Variants in DSG1 observed in about 807,000 individuals in gnomAD.
The protein encoded by DSG1 is desmoglein 1.
Under a neutral mutation model 97.5 loss-of-function variants are expected in DSG1, and 39 were observed. The ratio of observed to expected loss-of-function variants is 0.40; its 90% confidence interval spans 0.31 to 0.52. The LOEUF is 0.52. Ranked by LOEUF, DSG1 falls within the 20% of genes least tolerant of loss-of-function variation. The pLI, the probability that DSG1 is intolerant of heterozygous loss-of-function variation, is 0.53. For missense variants in DSG1, 1,311 were observed against 1,295.4 expected (o/e 1.01, Z -0.18); for synonymous variants, 475 against 443.4 (o/e 1.07, Z -0.90).
In DSG1 at chr18:31,355,166, C is replaced by G. The variant is rs763743708; in HGVS notation, c.2970C>G (p.Ala990=). ...CCAGCATGGGTGCTGGGAGCGGTGCCCTGAGTGGAGCTGGCATAAGTGGTG... is the reference window on the plus strand; with the variant it reads ...CCAGCATGGGTGCTGGGAGCGGTGCGCTGAGTGGAGCTGGCATAAGTGGTG... The part of the protein sequence containing the change: ...VGTSMGAGSG[A]LSGAGISGGG... Residue 990 remains alanine, a synonymous_variant, in exon 15 of 15, where the codon GCC becomes GCG. Transcript: ENST00000257192. The G allele has an allele frequency of 6.2e-7, 1 of 1,606,518 alleles. No homozygotes were observed. Among genetic ancestry groups the G allele is most frequent in the Middle Eastern group, 1.7e-4 (1 of 6,028 alleles).
At chr18:31,338,152 C>G (rs1180652168) in intron 9 of DSG1, among the ~76,000 whole-genome samples, 163 bp from the exon 10 acceptor site, 1 of 151,738 alleles carries the variant, frequency 6.6e-6, no homozygotes, top group African/African-American at 2.4e-5. Context: ...CCCTGAGTGG[C>G]TCCATATTGC....
intron 1 of DSG1, among the ~76,000 whole-genome samples, chr18:31,325,504 A>G (rs2071680261): frequency 6.6e-6 from 1 of 152,194 alleles, no homozygotes; most frequent in African/African-American, 2.4e-5. Flanking sequence ...AGGAGCATGC[A>G]TTTACATGAA....
chr18:31,350,827 T>A (rs994394976), intron 14 of DSG1, among the ~76,000 whole-genome samples: 7 of 151,420 alleles, frequency 4.6e-5, no homozygotes, highest in Non-Finnish European at 1.0e-4. Context: ...CCCTTTATCA[T>A]TTTTTATTGC....
Position 31,357,292 on chromosome 18 carries a change from C to A in DSG1, c.*1946C>A, listed in dbSNP as rs1296082552. ...CTAAATGCAGAAGTATAAATAAAGT[C>A]ATTCAAAGGGAGTCTTTTCTTTTTC... On this transcript the variant is annotated 3_prime_UTR_variant, in exon 15 of 15. Transcript: ENST00000257192. 6.6e-6 allele frequency among the ~76,000 whole-genome samples: 1 copy of A among 151,994 alleles called. No individual in the cohort carries two copies. The highest frequency in any genetic ancestry group is 1.5e-5 in the Non-Finnish European group (1 of 67,920).
At position 31,343,334 on chromosome 18, in the gene DSG1, T is replaced by G. The variant is rs183227192; in HGVS notation, c.1688-116T>G. On this transcript the variant is annotated intron_variant, in intron 11 of 14. Coordinates refer to ENST00000257192, the MANE Select transcript of DSG1 (RefSeq NM_001942.4). ...GCTTGTATTCTGAAACTTTCATAATTTTAGAACCAACCAGAATTATATTAC... is the reference window on the plus strand; with the variant it reads ...GCTTGTATTCTGAAACTTTCATAATGTTAGAACCAACCAGAATTATATTAC... 29 of 1,477,016 alleles carry G rather than the reference T, an allele frequency of 2.0e-5. No individual in the cohort carries two copies. In the African/African-American group the frequency reaches 3.6e-4, roughly 18 times the overall value. The allele number at this position is 1,477,016 out of a possible 1,614,324, so 91.5% of individuals were successfully genotyped here.
intron 1 of DSG1, among the ~76,000 whole-genome samples, chr18:31,322,741 T>G (rs2071661856): frequency 6.6e-6 from 1 of 152,178 alleles, no homozygotes; most frequent in African/African-American, 2.4e-5. Flanking sequence ...AACGTAACAA[T>G]TATGTTAGAA....
chr18:31,343,264 A>G, intron 11 of DSG1, 186 bp from the exon 12 acceptor site: 4 of 762,866 alleles, frequency 5.2e-6, no homozygotes, highest in South Asian at 4.7e-5. Context: ...ACTGCAGTCT[A>G]ATATACAGAA....
chr18:31,346,785 T>TTATATGTCTACCACCACTTTTA (rs2071842398), intron 14 of DSG1, among the ~76,000 whole-genome samples: 1 of 152,246 alleles, frequency 6.6e-6, no homozygotes, highest in African/African-American at 2.4e-5. Context: ...ATCTGTCCGT[T>TTATATGTCTACCACCACTTTTA]TATATGTCTA....
rs1252250350 is a variant in DSG1 at position 31,352,615 on chromosome 18, C to T, written c.2101-1682C>T. Among the ~76,000 whole-genome samples the T allele has an allele frequency of 7.8e-4, 116 of 149,518 alleles. 9 individuals carry two copies. The highest frequency in any genetic ancestry group is 2.8e-3 in the African/African-American group (110 of 39,052). ...ATCACTTTTAGGTACACCAATCAGA[C>T]GTAGATTTGGTCTTTTCACATAGTC... On this transcript the variant is annotated intron_variant, in intron 14 of 14. Transcript: ENST00000257192.
At chr18:31,353,938 G>A (rs59911099) in intron 14 of DSG1, 6,333 of 281,226 alleles carry the variant, frequency 0.023, 419 homozygotes, top group African/African-American at 0.14. Context: ...CTTCTGCGTC[G>A]CTCACGCTGG....
At chr18:31,326,552 A>T (rs2144087401) in intron 1 of DSG1, 29 bp from the exon 2 acceptor site, 1 of 1,530,178 alleles carries the variant, frequency 6.5e-7, no homozygotes. Flanking sequence ...ATTAAAAAAT[A>T]ACTAGTGTGA....
At chr18:31,343,327 T>A (rs2071802606) in intron 11 of DSG1, 123 bp from the exon 12 acceptor site, 1 of 1,407,250 alleles carries the variant, frequency 7.1e-7, no homozygotes, top group African/African-American at 1.4e-5. Flanking sequence ...TCTGAAACTT[T>A]CATAATTTTA....
intron 1 of DSG1, among the ~76,000 whole-genome samples, chr18:31,323,208 T>G (rs760857614): frequency 3.3e-5 from 5 of 152,150 alleles, no homozygotes; most frequent in Non-Finnish European, 7.4e-5. Flanking sequence ...CATCTCTAGG[T>G]AAATCTCCAT....
At chr18:31,351,793 C>A (rs1440036469) in intron 14 of DSG1, among the ~76,000 whole-genome samples, 1 of 151,804 alleles carries the variant, frequency 6.6e-6, no homozygotes, top group African/African-American at 2.4e-5. Context: ...GATTGCAACC[C>A]CTGCCTTTTT....
At chr18:31,343,817 T>G in intron 12 of DSG1, 109 bp from the exon 13 acceptor site, 2 of 1,168,928 alleles carry the variant, frequency 1.7e-6, no homozygotes, top group South Asian at 1.4e-5. Flanking sequence ...TAAATAGTAT[T>G]TTTTTTTTAG....
At chr18:31,346,277 G>T (rs2071835200) in intron 14 of DSG1, 79 bp downstream of exon 14, 2 of 1,240,530 alleles carry the variant, frequency 1.6e-6, no homozygotes, top group South Asian at 2.4e-5. Context: ...ATTCCTAAAG[G>T]GGCTTTGGCA....
rs2071699157 is a variant in DSG1 at position 31,328,309 on chromosome 18, TC to T, written c.339del (p.Ile114Ter). On this transcript the variant is annotated frameshift_variant, in exon 4 of 15. Coordinates refer to ENST00000257192, the MANE Select transcript of DSG1 (RefSeq NM_001942.4). LOFTEE classifies it high-confidence loss of function. Reference sequence around the variant, plus strand: ...GAAAACTGGTGAAATTAATATAACATCCATAGTTGATCGAGAGGTCACTCCT... The same window carrying T: ...GAAAACTGGTGAAATTAATATAACATCATAGTTGATCGAGAGGTCACTCCT... ...NQKTGEINIT[S>X]IVDREVTPFF... 1 of 1,613,238 alleles carries T rather than the reference TC, an allele frequency of 6.2e-7. No individual in the cohort carries two copies.
intron 10 of DSG1, 28 bp downstream of exon 10, chr18:31,338,482 T>C: frequency 6.2e-7 from 1 of 1,607,294 alleles, no homozygotes; most frequent in East Asian, 2.2e-5. Context: ...ATTTTTATCT[T>C]TTCTAGAGAA....
chr18:31,321,058 C>A (rs1247768231), intron 1 of DSG1, among the ~76,000 whole-genome samples: 1 of 151,866 alleles, frequency 6.6e-6, no homozygotes. Context: ...TTATAGTAAC[C>A]ATTTTCCCCC....
Sources: gnomAD v4.1 joint callset for allele counts (sites outside exome capture counted in the v4.1 genomes callset) on GRCh38, gnomAD v4.1.1 for gene constraint, MANE v1.5 for transcripts, NCBI Gene and HGNC (gene_info 2026-07-23, HGNC 2026-07-21) for gene names.